The following DRC5 variants were observed in gnomAD, a reference collection of about 807,000 sequenced individuals.
DRC5 encodes T-complex-associated testis-expressed protein 1.
the DRC5 span, chr6:44,280,206 T>G: frequency 6.2e-7 from 1 of 1,614,184 alleles, no homozygotes; most frequent in Non-Finnish European, 8.5e-7. Context: ...CTCAGGGCCA[T>G]TGGCAGTTAT....
chr6:44,279,100 A>G, the DRC5 span: 1 of 152,330 alleles, frequency 6.6e-6, no homozygotes, highest in South Asian at 2.1e-4. Flanking sequence ...TTGGGGACAC[A>G]GTTCTGGAGG....
At chr6:44,286,458 G>A in the DRC5 span, 8 of 1,614,112 alleles carry the variant, frequency 5.0e-6, no homozygotes, top group Non-Finnish European at 6.8e-6. Flanking sequence ...GTCACAGCCA[G>A]TGGTAGGTCA....
chr6:44,286,041 C>T, the DRC5 span: 21 of 1,614,010 alleles, frequency 1.3e-5, no homozygotes, highest in African/African-American at 1.1e-4. Flanking sequence ...AGATTCCACT[C>T]GAAATTCATG....
chr6:44,282,230 G>A, the DRC5 span: 1 of 1,614,240 alleles, frequency 6.2e-7, no homozygotes, highest in Non-Finnish European at 8.5e-7. Flanking sequence ...GCAGCGTGGT[G>A]AGGCACTTGT....
the DRC5 span, among the ~76,000 whole-genome samples, chr6:44,291,810 C>T: frequency 5.7e-4 from 87 of 152,296 alleles, no homozygotes; most frequent in African/African-American, 2.0e-3. Context: ...GCATTCCAGA[C>T]TCAAGTCCAC....
At chr6:44,289,011 A>AG in the DRC5 span, among the ~76,000 whole-genome samples, 2 of 144,344 alleles carry the variant, frequency 1.4e-5, no homozygotes, top group Non-Finnish European at 3.0e-5. Flanking sequence ...AAAAAAAAAA[A>AG]AAAAAAAAAA....
chr6:44,283,442 T>C, the DRC5 span, among the ~76,000 whole-genome samples: 2 of 152,170 alleles, frequency 1.3e-5, no homozygotes, highest in African/African-American at 4.8e-5. Context: ...GTATGAATAT[T>C]GTCCATGGGA....
At chr6:44,294,696 C>T in the DRC5 span, among the ~76,000 whole-genome samples, 2 of 137,766 alleles carry the variant, frequency 1.5e-5, no homozygotes, top group Admixed American at 8.2e-5. Flanking sequence ...AGGTTGAACC[C>T]AGGAGGCAGA....
chr6:44,281,010 C>T, the DRC5 span, among the ~76,000 whole-genome samples: 2 of 149,876 alleles, frequency 1.3e-5, no homozygotes, highest in South Asian at 4.3e-4. Context: ...CAACAGCACC[C>T]CCTCTAGAAA....
At chr6:44,287,760 G>A in the DRC5 span, 1 of 1,614,082 alleles carries the variant, frequency 6.2e-7, no homozygotes, top group Non-Finnish European at 8.5e-7. Context: ...TGGAGGAATT[G>A]TCCTGGGTGG....
At chr6:44,285,953 G>C in the DRC5 span, 13 of 1,603,854 alleles carry the variant, frequency 8.1e-6, no homozygotes, top group Non-Finnish European at 1.1e-5. Flanking sequence ...AAGGCTGGGA[G>C]CAGACAGTAC....
chr6:44,296,937 GC>G, the DRC5 span, among the ~76,000 whole-genome samples: 378 of 13,502 alleles, frequency 0.028, 18 homozygotes, highest in South Asian at 0.097. Context: ...CTGAGCCTCG[GC>G]CCGTGTGCTT....
chr6:44,296,870 G>A, the DRC5 span, among the ~76,000 whole-genome samples: 1 of 14,928 alleles, frequency 6.7e-5, no homozygotes, highest in South Asian at 3.8e-3. Flanking sequence ...TTACTTTGGG[G>A]TAAGTCACTC....
the DRC5 span, among the ~76,000 whole-genome samples, chr6:44,294,791 AAAG>A: frequency 5.4e-3 from 806 of 148,882 alleles, 28 homozygotes; most frequent in East Asian, 0.1. Context: ...AAAAAAAAAA[AAAG>A]AAAGAAAGAA....
At chr6:44,292,683 G>A in the DRC5 span, among the ~76,000 whole-genome samples, 6 of 151,198 alleles carry the variant, frequency 4.0e-5, no homozygotes, top group Admixed American at 6.7e-5. Context: ...TAAGCCAATC[G>A]GAGTCCTTCT....
the DRC5 span, among the ~76,000 whole-genome samples, chr6:44,290,872 C>T: frequency 6.6e-6 from 1 of 152,192 alleles, no homozygotes; most frequent in Non-Finnish European, 1.5e-5. Context: ...TGGGAAACCC[C>T]ACCTGGGGCC....
the DRC5 span, chr6:44,280,483 A>G: frequency 1.1e-6 from 1 of 901,042 alleles, no homozygotes. Flanking sequence ...TGACTAAAAC[A>G]AAAGTTTCAC....
At chr6:44,282,266 C>G in the DRC5 span, 6 of 1,614,212 alleles carry the variant, frequency 3.7e-6, no homozygotes, top group East Asian at 1.3e-4. Flanking sequence ...GGGCAAGAGC[C>G]TGGCCACCCT....
At chr6:44,281,182 T>C in the DRC5 span, among the ~76,000 whole-genome samples, 31 of 152,094 alleles carry the variant, frequency 2.0e-4, no homozygotes, top group Admixed American at 1.2e-3. Context: ...CTGGGCTGGG[T>C]GGGCTAGCCC....
Sources: allele counts gnomAD v4.1 joint callset (sites outside exome capture counted in the v4.1 genomes callset), GRCh38; gene constraint gnomAD v4.1.1; transcripts MANE v1.5; gene names NCBI Gene and HGNC (gene_info 2026-07-23, HGNC 2026-07-21).